Variants in CFAP97 observed in about 807,000 individuals in gnomAD.
CFAP97 encodes cilia and flagella associated protein 97, also known as cilia- and flagella-associated protein 97.
Under a neutral mutation model 43.1 loss-of-function variants are expected in CFAP97, and 36 were observed. The observed-to-expected ratio is 0.84, with a 90% CI of 0.64 to 1.10. The LOEUF is 1.10. CFAP97 is among the 50% of genes least tolerant of loss of function. The pLI is 0.00. For synonymous variants in CFAP97, 228 were observed against 225.7 expected (o/e 1.01, Z -0.09); for missense variants, 657 against 620.3 (o/e 1.06, Z -0.63).
At chr4:185,165,731 A>C (rs1413049526) in intron 3 of CFAP97, among the ~76,000 whole-genome samples, 2 of 152,162 alleles carry the variant, frequency 1.3e-5, no homozygotes, top group African/African-American at 4.8e-5. Flanking sequence ...CATTTTAACC[A>C]CTTCTAAGCA....
chr4:185,170,433 G>A lies in CFAP97; in HGVS notation c.1320+5353C>T, dbSNP rs1410738195. 2.2e-5 allele frequency: 9 copies of A among 403,886 alleles called. No individual in the cohort carries two copies. The Admixed American group carries it at 3.1e-4, about 14-fold the overall frequency. 25.0% of individuals were successfully genotyped at this position (403,886 alleles called of 1,614,324 possible). A position where few individuals can be genotyped will look rare whatever the true frequency, so the allele number is the denominator to read the frequency against. ...TATTTTTTACTTATTTATTGAGACG[G>A]AGTTTTGCTCTTGTTGCCCAGGCGA... On this transcript the variant is annotated intron_variant, in intron 3 of 4. Coordinates refer to ENST00000458385, the MANE Select transcript of CFAP97 (RefSeq NM_020827.3).
chr4:185,170,415 T>C, intron 3 of CFAP97: 2 of 419,368 alleles, frequency 4.8e-6, no homozygotes, highest in South Asian at 1.5e-4. Context: ...TTTTATTTTT[T>C]ACTTATTTAT....
intron 2 of CFAP97, among the ~76,000 whole-genome samples, chr4:185,182,703 G>A (rs1195776310): frequency 2.0e-5 from 3 of 152,138 alleles, no homozygotes; most frequent in Non-Finnish European, 4.4e-5. Context: ...GTTCAACACT[G>A]TCTCGTCATT....
intron 3 of CFAP97, chr4:185,170,242 A>C (rs1735240831): frequency 1.6e-6 from 1 of 643,268 alleles, no homozygotes; most frequent in Non-Finnish European, 2.8e-6. Flanking sequence ...GTTACTTGGG[A>C]GGCCGAGGCA....
At chr4:185,189,225 A>C (rs1736129297) in intron 2 of CFAP97, among the ~76,000 whole-genome samples, 1 of 152,188 alleles carries the variant, frequency 6.6e-6, no homozygotes, top group South Asian at 2.1e-4. Context: ...TGACAGAGAA[A>C]GACCTTATCT....
chr4:185,170,245 C>A, intron 3 of CFAP97: 1 of 643,760 alleles, frequency 1.6e-6, no homozygotes, highest in Non-Finnish European at 2.8e-6. Flanking sequence ...ACTTGGGAGG[C>A]CGAGGCAGGA....
At chr4:185,169,410 T>G (rs1016167770) in intron 3 of CFAP97, 1 of 181,222 alleles carries the variant, frequency 5.5e-6, no homozygotes, top group African/African-American at 2.4e-5. Context: ...TGCCACCATG[T>G]AAGACATGCC....
At chr4:185,171,618 C>T (rs1735305128) in intron 3 of CFAP97, among the ~76,000 whole-genome samples, 1 of 152,188 alleles carries the variant, frequency 6.6e-6, no homozygotes, top group Non-Finnish European at 1.5e-5. Flanking sequence ...AAACCATCAA[C>T]CAAGTATCTT....
At chr4:185,204,020 G>C (rs1737067367), upstream of CFAP97, 1 of 151,126 alleles carries the variant, frequency 6.6e-6, no homozygotes, top group Admixed American at 6.6e-5. Flanking sequence ...GGAAAGGAGG[G>C]GCGGCGTGGG....
At chr4:185,199,806 C>T (rs932291878) in intron 1 of CFAP97, among the ~76,000 whole-genome samples, 1 of 151,396 alleles carries the variant, frequency 6.6e-6, no homozygotes, top group Non-Finnish European at 1.5e-5. Context: ...ATGTTTTAAG[C>T]CCACTGTTGA....
intron 1 of CFAP97, among the ~76,000 whole-genome samples, chr4:185,199,286 T>C (rs1178743371): frequency 6.6e-6 from 1 of 152,066 alleles, no homozygotes; most frequent in Non-Finnish European, 1.5e-5. Flanking sequence ...GGCTGGAGAA[T>C]AGGTTGAACC....
intron 1 of CFAP97, among the ~76,000 whole-genome samples, chr4:185,199,308 T>A (rs1047191388): frequency 9.2e-5 from 14 of 151,958 alleles, no homozygotes; most frequent in Non-Finnish European, 2.1e-4. Flanking sequence ...AGGAGGCAGG[T>A]TGCAGTGAGC....
intron 1 of CFAP97, among the ~76,000 whole-genome samples, chr4:185,198,722 G>A (rs1399658371): frequency 7.0e-5 from 10 of 143,594 alleles, no homozygotes; most frequent in Non-Finnish European, 1.5e-4. Flanking sequence ...CCAGGAGATG[G>A]AGGTTGCAGT....
chr4:185,203,000 A>C (rs954794871), intron 1 of CFAP97, among the ~76,000 whole-genome samples: 1 of 152,262 alleles, frequency 6.6e-6, no homozygotes, highest in Non-Finnish European at 1.5e-5. Context: ...AAATTAAAGG[A>C]TAGTTCATCA....
In CFAP97 at chr4:185,190,783, G is replaced by A. The variant is rs759759948; in HGVS notation, c.414C>T (p.Ser138=). ...CATGGTATTTCTTCCCATCATCACT[G>A]CTTTCCTCTCCATCTGTGTAGTAAT... is the stretch of plus-strand genomic sequence containing the variant. The part of the protein sequence containing the change: ...EDDYYTDGEE[S]SDDGKKYHVK... Residue 138 remains serine (S), a synonymous_variant, in exon 2 of 5, where the codon AGC becomes AGT. Coordinates refer to ENST00000458385, the MANE Select transcript of CFAP97 (RefSeq NM_020827.3). 2.5e-6 allele frequency: 4 copies of A among 1,604,914 alleles called. No homozygotes were observed. The African/African-American group carries it at 4.0e-5, about 16-fold the overall frequency.
chr4:185,203,505 C>T (rs1189605281), intron 1 of CFAP97, among the ~76,000 whole-genome samples: 1 of 152,196 alleles, frequency 6.6e-6, no homozygotes, highest in Admixed American at 6.5e-5. Context: ...TTGTCTACAT[C>T]CCCTACCGTC....
chr4:185,187,346 T>G (rs992763717), intron 2 of CFAP97, among the ~76,000 whole-genome samples: 12 of 152,272 alleles, frequency 7.9e-5, no homozygotes, highest in Middle Eastern at 3.4e-3. Context: ...GTGCCTGTAT[T>G]TGGAAATTCC....
At position 185,169,857 on chromosome 4, in the gene CFAP97, C is replaced by A. The variant is rs552966880; in HGVS notation, c.1321-5678G>T. 3 of 985,452 alleles carry A rather than the reference C, an allele frequency of 3.0e-6. No homozygotes were observed. The African/African-American group carries it at 5.2e-5, about 17-fold the overall frequency. 61.0% of individuals were successfully genotyped at this position (985,452 alleles called of 1,614,324 possible). A position where few individuals can be genotyped will look rare whatever the true frequency, so the allele number is the denominator to read the frequency against. ...GTTATCATTAGCTTGCTTTCTTCAACGGAAGGAGATAACAGACCTTAACCA... is the reference window on the plus strand; with the variant it reads ...GTTATCATTAGCTTGCTTTCTTCAAAGGAAGGAGATAACAGACCTTAACCA... On this transcript the variant is annotated intron_variant, in intron 3 of 4. Transcript: ENST00000458385.
chr4:185,186,854 T>G (rs913025985), intron 2 of CFAP97, among the ~76,000 whole-genome samples: 1 of 152,178 alleles, frequency 6.6e-6, no homozygotes, highest in African/African-American at 2.4e-5. Context: ...TCAATAACTT[T>G]TATGAATGTA....
Sources: allele counts gnomAD v4.1 joint callset (sites outside exome capture counted in the v4.1 genomes callset), GRCh38; gene constraint gnomAD v4.1.1; transcripts MANE v1.5; gene names NCBI Gene and HGNC (gene_info 2026-07-23, HGNC 2026-07-21).